AK5: variants seen among roughly 807,000 people sequenced by gnomAD.
AK5 encodes the protein adenylate kinase isoenzyme 5.
A neutral mutation model predicts 69.5 loss-of-function variants in AK5; 27 were observed. That is an observed-to-expected ratio of 0.39 (90% CI 0.29 to 0.54). The LOEUF (loss-of-function observed/expected upper bound fraction) is 0.54, where lower values mean the gene tolerates loss of function less well. AK5 is among the 20% of genes least tolerant of loss of function. AK5 has a pLI of 0.71. For missense variants in AK5, 531 were observed against 700.4 expected, an observed-to-expected ratio of 0.76 and a Z score of 2.73; for synonymous variants, 260 against 244.4, an observed-to-expected ratio of 1.06 and a Z score of -0.60.
intron 8 of AK5, among the ~76,000 whole-genome samples, chr1:77,435,785 T>C (rs900690268): frequency 6.6e-6 from 1 of 152,134 alleles, no homozygotes; most frequent in Non-Finnish European, 1.5e-5. Context: ...GAAACCAAAA[T>C]CTTAGTTTTA....
chr1:77,494,219 C>T (rs767526798), intron 10 of AK5, among the ~76,000 whole-genome samples: 24 of 152,162 alleles, frequency 1.6e-4, no homozygotes, highest in Admixed American at 1.6e-3. Flanking sequence ...AGCTGAGTCA[C>T]CTGATGAAGT....
At chr1:77,282,871 G>A in intron 1 of AK5, 1 of 986,684 alleles carries the variant, frequency 1.0e-6, no homozygotes, top group Non-Finnish European at 1.2e-6. Context: ...GGAAGAGAGG[G>A]ATGAAGATGC....
At chr1:77,512,947 G>C (rs1247483127) in intron 10 of AK5, among the ~76,000 whole-genome samples, 1 of 152,188 alleles carries the variant, frequency 6.6e-6, no homozygotes, top group Non-Finnish European at 1.5e-5. Flanking sequence ...TGAGGAGGGA[G>C]ACCCTAAAGT....
At position 77,488,477 on chromosome 1, in the gene AK5, C is replaced by G. The variant is rs186482155; in HGVS notation, c.1147+2125C>G. On this transcript the variant is annotated intron_variant, in intron 10 of 13. Coordinates refer to ENST00000354567, the MANE Select transcript of AK5 (RefSeq NM_174858.3). ...AGGGGAGACCCTTTAAACTTGACAG[C>G]TAGGAATTCACAGTAGGAGCCTGTA... Among the ~76,000 whole-genome samples, 88 of 152,220 alleles carry G rather than the reference C, an allele frequency of 5.8e-4. 1 individual carries two copies. Among genetic ancestry groups the G allele is most frequent in the Middle Eastern group, 3.4e-3 (1 of 294 alleles).
At chr1:77,332,143 C>T (rs2100355847) in intron 5 of AK5, among the ~76,000 whole-genome samples, 1 of 152,208 alleles carries the variant, frequency 6.6e-6, no homozygotes, top group Non-Finnish European at 1.5e-5. Flanking sequence ...AAATTGTTTT[C>T]ATAAAGTTAT....
At chr1:77,405,218 A>G (rs58731283) in intron 6 of AK5, among the ~76,000 whole-genome samples, 150 of 152,366 alleles carry the variant, frequency 9.8e-4, no homozygotes, top group African/African-American at 3.2e-3. Context: ...AGTCCTCACA[A>G]CAATCCCTTG....
intron 6 of AK5, among the ~76,000 whole-genome samples, chr1:77,342,662 C>T (rs12132273): frequency 0.094 from 14,363 of 152,040 alleles, 804 homozygotes; most frequent in Middle Eastern, 0.17. Context: ...TCTTTTAGAA[C>T]CTGGATCATA....
At chr1:77,522,768 A>C (rs1658065467) in intron 12 of AK5, among the ~76,000 whole-genome samples, 1 of 152,218 alleles carries the variant, frequency 6.6e-6, no homozygotes, top group Admixed American at 6.5e-5. Flanking sequence ...TCCAGGCAAG[A>C]AGGGTAAAAC....
chr1:77,310,365 T>C (rs1659874694), intron 5 of AK5, among the ~76,000 whole-genome samples: 1 of 151,886 alleles, frequency 6.6e-6, no homozygotes, highest in Non-Finnish European at 1.5e-5. Context: ...TCCCACCCCT[T>C]CTGTTTTTTT....
At chr1:77,350,775 A>G (rs1352531937) in intron 6 of AK5, among the ~76,000 whole-genome samples, 1 of 152,218 alleles carries the variant, frequency 6.6e-6, no homozygotes, top group Non-Finnish European at 1.5e-5. Context: ...GATAGTGTTC[A>G]TGGCAAGGCT....
chr1:77,333,673 T>C (rs1661206999), intron 5 of AK5, among the ~76,000 whole-genome samples: 1 of 152,148 alleles, frequency 6.6e-6, no homozygotes, highest in African/African-American at 2.4e-5. Flanking sequence ...AAATAAGTTT[T>C]ATTGGAACAC....
intron 11 of AK5, among the ~76,000 whole-genome samples, chr1:77,520,220 AAGAG>A (rs1042132626): frequency 2.6e-5 from 4 of 151,668 alleles, no homozygotes; most frequent in Admixed American, 2.6e-4. Flanking sequence ...AAAAAAAAAA[AAGAG>A]AATACCTTAA....
chr1:77,416,802 G>A (rs1000719720), intron 7 of AK5, among the ~76,000 whole-genome samples: 2 of 152,146 alleles, frequency 1.3e-5, no homozygotes, highest in East Asian at 1.9e-4. Flanking sequence ...GATTTGCCAA[G>A]GCCAAGTTTA....
chr1:77,300,109 T>C (rs1721165), intron 5 of AK5, among the ~76,000 whole-genome samples: 134,640 of 152,156 alleles, frequency 0.88, 59,932 homozygotes, highest in Middle Eastern at 0.97. Flanking sequence ...TTCCTACTCA[T>C]GTGACTTGCA....
intron 5 of AK5, among the ~76,000 whole-genome samples, chr1:77,334,702 A>G (rs1248336718): frequency 6.6e-6 from 1 of 152,084 alleles, no homozygotes; most frequent in South Asian, 2.1e-4. Context: ...AACACATTCA[A>G]TCACCTTAAC....
chr1:77,515,441 C>T (rs1657581386), intron 10 of AK5, among the ~76,000 whole-genome samples: 1 of 152,168 alleles, frequency 6.6e-6, no homozygotes, highest in South Asian at 2.1e-4. Flanking sequence ...ATCCTCATTA[C>T]CATACTAAAA....
chr1:77,302,076 T>C (rs1659371517), intron 5 of AK5, among the ~76,000 whole-genome samples: 5 of 152,148 alleles, frequency 3.3e-5, no homozygotes, highest in Admixed American at 1.3e-4. Flanking sequence ...TTTTAAAAAC[T>C]TTTTGTGGAG....
intron 1 of AK5, chr1:77,283,313 T>C (rs1279002772): frequency 1.2e-5 from 12 of 985,262 alleles, no homozygotes; most frequent in Non-Finnish European, 1.4e-5. Context: ...GAGAAAAGAA[T>C]AGAAGCAAGC....
intron 8 of AK5, among the ~76,000 whole-genome samples, chr1:77,428,327 C>T (rs1297187904): frequency 1.3e-5 from 2 of 152,172 alleles, no homozygotes; most frequent in Non-Finnish European, 2.9e-5. Context: ...TTGAAAATAC[C>T]TGCTCAACAC....
Sources: allele counts gnomAD v4.1 joint callset (sites outside exome capture counted in the v4.1 genomes callset), GRCh38; gene constraint gnomAD v4.1.1; transcripts MANE v1.5; gene names NCBI Gene and HGNC (gene_info 2026-07-23, HGNC 2026-07-21).